The following ZNF652 variants were observed in gnomAD, a reference collection of about 807,000 sequenced individuals.
ZNF652 encodes zinc finger protein 652.
ZNF652 carries 16 observed loss-of-function variants against 45.2 expected under a neutral mutation model. The ratio of observed to expected loss-of-function variants is 0.35; its 90% CI spans 0.24 to 0.54. ZNF652 has a LOEUF of 0.54. Among genes scored for constraint, ZNF652 ranks in the 20% least tolerant of loss-of-function variants. The pLI, the probability that ZNF652 is intolerant of heterozygous loss-of-function variation, is 0.91. For synonymous variants in ZNF652, 250 were observed against 260.6 expected (o/e 0.96, Z 0.39); for missense variants, 614 against 765.6 (o/e 0.80, Z 2.34).
intron 1 of ZNF652, among the ~76,000 whole-genome samples, chr17:49,358,012 T>C (rs1318371449): frequency 2.0e-5 from 3 of 152,242 alleles, no homozygotes; most frequent in African/African-American, 7.2e-5. Flanking sequence ...AAATGATCTG[T>C]AGTTTTACTC....
At position 49,290,747 on chromosome 17, in the gene ZNF652, C is replaced by G. The variant is rs564590671; in HGVS notation, c.*7666G>C. 1 of 152,282 alleles carries G rather than the reference C, an allele frequency of 6.6e-6. No individual in the cohort carries two copies. The highest frequency in any genetic ancestry group is 6.5e-5 in the Admixed American group (1 of 15,288). 9.4% of individuals were successfully genotyped at this position (152,282 alleles called of 1,614,324 possible). ...CACCCACACATCAATCATTGCTTGG[C>G]ATCATGAGGGATGAACGACGACTGG... On this transcript the variant is annotated 3_prime_UTR_variant, in exon 6 of 6. Coordinates refer to ENST00000430262, the MANE Select transcript of ZNF652 (RefSeq NM_001145365.3).
chr17:49,319,790 C>T (rs1314503176), intron 1 of ZNF652, among the ~76,000 whole-genome samples: 1 of 152,056 alleles, frequency 6.6e-6, no homozygotes, highest in East Asian at 1.9e-4. Context: ...CAGAGGCATG[C>T]ACCACCACAC....
intron 1 of ZNF652, among the ~76,000 whole-genome samples, chr17:49,347,735 G>GTTTT (rs1567698709): frequency 8.0e-6 from 1 of 124,410 alleles, no homozygotes; most frequent in Non-Finnish European, 1.6e-5. Context: ...TTGAACCTTG[G>GTTTT]TTTTGTTTTT....
In ZNF652 at chr17:49,309,329, T is replaced by TAAAA. The variant is rs11307814; in HGVS notation, c.1309+1979_1309+1982dup. ...CAATATGGTGAAACCCTGTCTCTAC[T>TAAAA]AAAAAAAAAAAAAAAAAAAAAAAAA... On this transcript the variant is annotated intron_variant, in intron 5 of 5. Coordinates refer to ENST00000430262, the MANE Select transcript of ZNF652 (RefSeq NM_001145365.3). 2.0e-4 allele frequency among the ~76,000 whole-genome samples: 13 copies of TAAAA among 66,310 alleles called. 3 individuals are homozygous for TAAAA. Among genetic ancestry groups the TAAAA allele is most frequent in the South Asian group, 1.1e-3 (2 of 1,850 alleles). The allele number at this position is 66,310 out of a possible 152,430, so 43.5% of individuals were successfully genotyped here. A position where few individuals can be genotyped will look rare whatever the true frequency, so the allele number is the denominator to read the frequency against.
chr17:49,352,221 G>T (rs2070290059), intron 1 of ZNF652, among the ~76,000 whole-genome samples: 1 of 151,764 alleles, frequency 6.6e-6, no homozygotes, highest in African/African-American at 2.4e-5. Context: ...TTGTACTTTA[G>T]TTGAGAAGAT....
In ZNF652 at chr17:49,293,887, C is replaced by T. The variant is rs2069437598; in HGVS notation, c.*4526G>A. 6.6e-6 allele frequency among the ~76,000 whole-genome samples: 1 copy of T among 152,032 alleles called. No individual in the cohort carries two copies. Among genetic ancestry groups the T allele is most frequent in the Admixed American group, 6.6e-5 (1 of 15,256 alleles). ...TCTAGAACAGCATTGAAATATTTATCATGTGGACCAGCAATGCAATAAAAG... is the reference window on the plus strand; with the variant it reads ...TCTAGAACAGCATTGAAATATTTATTATGTGGACCAGCAATGCAATAAAAG... On this transcript the variant is annotated 3_prime_UTR_variant, in exon 6 of 6. Transcript: ENST00000430262.
At position 49,291,617 on chromosome 17, in the gene ZNF652, G is replaced by A. The variant is rs2069405521; in HGVS notation, c.*6796C>T. The stretch of plus-strand genomic sequence containing the variant: ...GAAGTTTCCTACTGAAGACATACAA[G>A]ACAGCAGGCTGTCTCAAGGATGTGG... On this transcript the variant is annotated 3_prime_UTR_variant, in exon 6 of 6. Coordinates refer to ENST00000430262, the MANE Select transcript of ZNF652 (RefSeq NM_001145365.3). 1 of 152,192 alleles carries A rather than the reference G, an allele frequency of 6.6e-6. No individual in the cohort carries two copies. Among genetic ancestry groups the A allele is most frequent in the Admixed American group, 6.5e-5 (1 of 15,282 alleles). The allele number at this position is 152,192 out of a possible 1,614,324, so 9.4% of individuals were successfully genotyped here. A position where few individuals can be genotyped will look rare whatever the true frequency, so the allele number is the denominator to read the frequency against.
In ZNF652 at chr17:49,316,915, T is replaced by C; in HGVS notation, c.811A>G (p.Met271Val). 6.2e-7 allele frequency: 1 copy of C among 1,614,172 alleles called. No homozygotes were observed. Among genetic ancestry groups the C allele is most frequent in the South Asian group, 1.1e-5 (1 of 91,078 alleles). ...TTGCCACATTTATCACAAATCTGCA[T>C]GCGCCTATGAGTAACGTTCATGTGC... Reference protein sequence around the residue: ...EKHMNVTHRRMQICDKCGKKF... With the variant: ...EKHMNVTHRRVQICDKCGKKF... The change falls in exon 2 of 6, where the codon ATG becomes GTG. Residue 271 changes from methionine to valine, a missense_variant. Transcript: ENST00000430262.
chr17:49,307,309 T>C (rs1162723228), intron 5 of ZNF652, among the ~76,000 whole-genome samples: 1 of 151,140 alleles, frequency 6.6e-6, no homozygotes, highest in African/African-American at 2.4e-5. Flanking sequence ...CACATGCCTG[T>C]AATCCCAGCT....
At chr17:49,362,449 GC>G (rs1256685331), upstream of ZNF652, 2 of 151,168 alleles carry the variant, frequency 1.3e-5, no homozygotes, top group African/African-American at 4.9e-5. Flanking sequence ...GCGCTCCGCC[GC>G]CCAGATAACC....
intron 1 of ZNF652, among the ~76,000 whole-genome samples, chr17:49,340,228 G>A (rs556467835): frequency 5.3e-5 from 8 of 152,038 alleles, no homozygotes; most frequent in Non-Finnish European, 7.4e-5. Context: ...CAGCTTGGCC[G>A]ACATGGCAAA....
chr17:49,294,771 C>A lies in ZNF652; in HGVS notation c.*3642G>T, dbSNP rs1474104046. 6.6e-6 allele frequency: 1 copy of A among 152,172 alleles called. No individual in the cohort carries two copies. The highest frequency in any genetic ancestry group is 1.5e-5 in the Non-Finnish European group (1 of 68,034). 9.4% of individuals were successfully genotyped at this position (152,172 alleles called of 1,614,324 possible). On this transcript the variant is annotated 3_prime_UTR_variant, in exon 6 of 6. Transcript: ENST00000430262. Reference sequence around the variant, plus strand: ...GACAGTAAAACTAAGTAACGAGAGACAGCCTCAATTTGTTATCTATATAAT... The same window carrying A: ...GACAGTAAAACTAAGTAACGAGAGAAAGCCTCAATTTGTTATCTATATAAT...
chr17:49,291,833 G>A lies in ZNF652; in HGVS notation c.*6580C>T, dbSNP rs896460103. ...AGGTAATTAACACAACAAGAAACCC[G>A]TTACTGATTTCTGTAACATAAAAAT... On this transcript the variant is annotated 3_prime_UTR_variant, in exon 6 of 6. Transcript: ENST00000430262. 9 of 152,136 alleles carry A rather than the reference G, an allele frequency of 5.9e-5. No homozygotes were observed. Among genetic ancestry groups the A allele is most frequent in the Non-Finnish European group, 7.4e-5 (5 of 68,016 alleles). 9.4% of individuals were successfully genotyped at this position (152,136 alleles called of 1,614,324 possible).
At chr17:49,357,212 T>C (rs879829685) in intron 1 of ZNF652, among the ~76,000 whole-genome samples, 1 of 151,942 alleles carries the variant, frequency 6.6e-6, no homozygotes, top group Non-Finnish European at 1.5e-5. Flanking sequence ...GGCAGGAGAA[T>C]TGCTTGAACC....
At position 49,292,700 on chromosome 17, in the gene ZNF652, C is replaced by T. The variant is rs184109653; in HGVS notation, c.*5713G>A. 2.6e-4 allele frequency among the ~76,000 whole-genome samples: 40 copies of T among 151,814 alleles called. No homozygotes were observed. In the East Asian group the frequency reaches 6.2e-3, roughly 23 times the overall value. On this transcript the variant is annotated 3_prime_UTR_variant, in exon 6 of 6. Transcript: ENST00000430262. ...TCAATGACCTTTAATTTTAAAGGAA[C>T]GTCAAATTTCTGGTGAAAGTAAAAA...
At position 49,297,691 on chromosome 17, in the gene ZNF652, T is replaced by C. The variant is rs192695058; in HGVS notation, c.*722A>G. On this transcript the variant is annotated 3_prime_UTR_variant, in exon 6 of 6. Coordinates refer to ENST00000430262, the MANE Select transcript of ZNF652 (RefSeq NM_001145365.3). Reference sequence around the variant, plus strand: ...ATAGCTTTGAATTATAGAAGTTATATGCATCTTTAAGAATCACATTTTGAT... The same window carrying C: ...ATAGCTTTGAATTATAGAAGTTATACGCATCTTTAAGAATCACATTTTGAT... 2 of 152,786 alleles carry C rather than the reference T, an allele frequency of 1.3e-5. No individual in the cohort carries two copies. Among genetic ancestry groups the C allele is most frequent in the Admixed American group, 6.5e-5 (1 of 15,292 alleles). The allele number at this position is 152,786 out of a possible 1,614,324, so 9.5% of individuals were successfully genotyped here.
At chr17:49,351,041 ACAC>A (rs2070276993) in intron 1 of ZNF652, among the ~76,000 whole-genome samples, 1 of 134,760 alleles carries the variant, frequency 7.4e-6, no homozygotes, top group African/African-American at 2.9e-5. Context: ...ACACACACAC[ACAC>A]ACACACACAC....
chr17:49,360,402 G>A (rs2070380312), intron 1 of ZNF652, among the ~76,000 whole-genome samples: 1 of 152,138 alleles, frequency 6.6e-6, no homozygotes, highest in Middle Eastern at 3.2e-3. Flanking sequence ...TGGAGAAGAC[G>A]GTTCTAAAGA....
intron 5 of ZNF652, among the ~76,000 whole-genome samples, chr17:49,303,242 C>CTTTTTTTTT (rs1598283490): frequency 1.3e-5 from 1 of 74,626 alleles, no homozygotes; most frequent in Non-Finnish European, 2.4e-5. Context: ...ATTCTTTACG[C>CTTTTTTTTT]TTATCTTTTT....
Sources: allele counts gnomAD v4.1 joint callset (sites outside exome capture counted in the v4.1 genomes callset), GRCh38; gene constraint gnomAD v4.1.1; transcripts MANE v1.5; gene names NCBI Gene and HGNC (gene_info 2026-07-23, HGNC 2026-07-21).